NCALD: variants seen among roughly 807,000 people sequenced by gnomAD.
NCALD encodes the protein neurocalcin delta.
Under a neutral mutation model 18.6 loss-of-function variants are expected in NCALD, and 10 were observed. That is an observed-to-expected ratio of 0.54 (90% CI 0.33 to 0.91). The LOEUF (loss-of-function observed/expected upper bound fraction) is 0.91. Ranked by LOEUF, NCALD falls within the 40% of genes least tolerant of loss-of-function variation. The pLI is 0.03. For missense variants in NCALD, 184 were observed against 247.6 expected (o/e 0.74, Z 1.72); for synonymous variants, 88 against 87.4 (o/e 1.01, Z -0.04).
intron 1 of NCALD, among the ~76,000 whole-genome samples, chr8:102,079,671 T>C (rs1252787026): frequency 6.6e-6 from 1 of 152,254 alleles, no homozygotes; most frequent in Non-Finnish European, 1.5e-5. Flanking sequence ...AGGAGCCCTA[T>C]GTATAGCAAC....
chr8:101,991,209 C>T (rs554327385), intron 2 of NCALD, among the ~76,000 whole-genome samples: 3 of 152,270 alleles, frequency 2.0e-5, no homozygotes, highest in Admixed American at 6.5e-5. Context: ...TCTGATGGTG[C>T]CCTGAGTCAC....
chr8:101,740,965 A>T (rs1252458167), intron 1 of NCALD, among the ~76,000 whole-genome samples: 2 of 152,340 alleles, frequency 1.3e-5, no homozygotes, highest in South Asian at 2.1e-4. Flanking sequence ...TACAGCAAAT[A>T]CTGTAAAAAC....
At chr8:101,812,310 A>G (rs894631682) in intron 4 of NCALD, among the ~76,000 whole-genome samples, 2 of 152,128 alleles carry the variant, frequency 1.3e-5, no homozygotes, top group African/African-American at 4.8e-5. Flanking sequence ...GCTCATCACT[A>G]AAGCTTTTAG....
chr8:101,870,256 A>C (rs191863260), intron 4 of NCALD, among the ~76,000 whole-genome samples: 1 of 152,204 alleles, frequency 6.6e-6, no homozygotes, highest in South Asian at 2.1e-4. Context: ...TTTTTTCCTT[A>C]CTAAAGAGCA....
chr8:102,066,315 C>A (rs191838796), intron 1 of NCALD, among the ~76,000 whole-genome samples: 82 of 152,368 alleles, frequency 5.4e-4, no homozygotes, highest in African/African-American at 1.9e-3. Flanking sequence ...GGATCTTATT[C>A]ATTTGCTACC....
At chr8:102,022,212 T>C (rs973703197) in intron 1 of NCALD, among the ~76,000 whole-genome samples, 1 of 152,002 alleles carries the variant, frequency 6.6e-6, no homozygotes, top group African/African-American at 2.4e-5. Context: ...CAGAACAGTA[T>C]GGAAAAGGGG....
intron 1 of NCALD, among the ~76,000 whole-genome samples, chr8:102,021,844 C>T (rs754781965): frequency 5.3e-5 from 8 of 152,116 alleles, no homozygotes; most frequent in African/African-American, 1.9e-4. Flanking sequence ...GTCTCCTAAT[C>T]CCCATCCAGC....
At chr8:101,994,823 A>C (rs1255454511) in intron 2 of NCALD, among the ~76,000 whole-genome samples, 1 of 152,266 alleles carries the variant, frequency 6.6e-6, no homozygotes, top group East Asian at 1.9e-4. Flanking sequence ...ATACCCAGCA[A>C]GTATTTGTTT....
intron 2 of NCALD, among the ~76,000 whole-genome samples, chr8:102,008,688 C>T (rs1301747088): frequency 6.6e-6 from 1 of 151,992 alleles, no homozygotes; most frequent in Non-Finnish European, 1.5e-5. Context: ...GCTTCTCTAC[C>T]CAATTAACTA....
At chr8:101,776,436 G>A (rs1048392422) in intron 1 of NCALD, among the ~76,000 whole-genome samples, 22 of 152,120 alleles carry the variant, frequency 1.4e-4, no homozygotes, top group African/African-American at 5.3e-4. Flanking sequence ...TTAACAGCCT[G>A]CTTCCTTTTG....
At chr8:101,895,114 A>T (rs542217466) in intron 3 of NCALD, among the ~76,000 whole-genome samples, 14 of 151,026 alleles carry the variant, frequency 9.3e-5, no homozygotes, top group Admixed American at 7.9e-4. Flanking sequence ...AAAATCCTCA[A>T]TAAAATACTA....
intron 2 of NCALD, among the ~76,000 whole-genome samples, chr8:101,955,707 G>A (rs1377634427): frequency 1.3e-5 from 2 of 152,096 alleles, no homozygotes; most frequent in East Asian, 3.8e-4. Context: ...GGGGAGAAAT[G>A]GCTAAACACA....
At chr8:101,772,087 C>A (rs1197802303) in intron 1 of NCALD, among the ~76,000 whole-genome samples, 1 of 152,144 alleles carries the variant, frequency 6.6e-6, no homozygotes, top group Non-Finnish European at 1.5e-5. Flanking sequence ...AGACTTGGGT[C>A]TAGCCTAAAG....
intron 1 of NCALD, among the ~76,000 whole-genome samples, chr8:102,043,620 C>A (rs1424429512): frequency 6.7e-6 from 1 of 149,976 alleles, no homozygotes; most frequent in Non-Finnish European, 1.5e-5. Context: ...TAGTTAGGAG[C>A]TGTTCATCTC....
At chr8:101,867,024 G>C (rs1275659132) in intron 4 of NCALD, among the ~76,000 whole-genome samples, 1 of 151,994 alleles carries the variant, frequency 6.6e-6, no homozygotes, top group Non-Finnish European at 1.5e-5. Context: ...CCCCATCTCT[G>C]TTCTCTCTGC....
At chr8:102,012,459 C>T (rs1821937890) in intron 2 of NCALD, among the ~76,000 whole-genome samples, 1 of 152,204 alleles carries the variant, frequency 6.6e-6, no homozygotes, top group African/African-American at 2.4e-5. Flanking sequence ...GTTTCCAAAT[C>T]AGCATTACAT....
At chr8:101,844,250 C>T (rs778516930) in intron 4 of NCALD, among the ~76,000 whole-genome samples, 3 of 152,162 alleles carry the variant, frequency 2.0e-5, no homozygotes, top group South Asian at 2.1e-4. Context: ...CCTTGAGTTC[C>T]GATGATATAT....
chr8:101,941,663 T>C (rs913113236), intron 2 of NCALD, among the ~76,000 whole-genome samples: 2 of 152,212 alleles, frequency 1.3e-5, no homozygotes, highest in Non-Finnish European at 2.9e-5. Context: ...TATTGGGTAT[T>C]TTGTGGTACA....
chr8:101,904,914 A>G (rs545817483), intron 3 of NCALD, among the ~76,000 whole-genome samples: 18 of 152,036 alleles, frequency 1.2e-4, no homozygotes, highest in African/African-American at 4.3e-4. Context: ...CCATTCCTAG[A>G]CCCTTCCAGT....
Sources: allele counts gnomAD v4.1 joint callset (sites outside exome capture counted in the v4.1 genomes callset), GRCh38; gene constraint gnomAD v4.1.1; transcripts MANE v1.5; gene names NCBI Gene and HGNC (gene_info 2026-07-23, HGNC 2026-07-21).